The following DDX10 variants were observed in gnomAD, a reference collection of about 807,000 sequenced individuals.
DDX10 encodes probable ATP-dependent RNA helicase DDX10.
Under a neutral mutation model 104.3 loss-of-function variants are expected in DDX10, and 74 were observed. The observed-to-expected ratio is 0.71, with a 90% CI of 0.59 to 0.86. DDX10 has a LOEUF of 0.86. Among genes scored for constraint, DDX10 ranks in the 40% least tolerant of loss-of-function variants. The pLI is 0.00. For missense variants in DDX10, 952 were observed against 1,040.0 expected, an observed-to-expected ratio of 0.92 and a Z score of 1.16; for synonymous variants, 351 against 353.4, an observed-to-expected ratio of 0.99 and a Z score of 0.08.
intron 15 of DDX10, among the ~76,000 whole-genome samples, chr11:108,846,316 T>A (rs1022138853): frequency 2.6e-5 from 4 of 152,192 alleles, no homozygotes; most frequent in Non-Finnish European, 5.9e-5. Flanking sequence ...TATAATACAT[T>A]ATTATTAACA....
intron 16 of DDX10, among the ~76,000 whole-genome samples, chr11:108,911,177 C>A (rs181226267): frequency 6.6e-5 from 10 of 152,300 alleles, no homozygotes; most frequent in South Asian, 2.1e-4. Flanking sequence ...ATTTTGTTCA[C>A]TGCAGCATGT....
intron 6 of DDX10, among the ~76,000 whole-genome samples, chr11:108,685,068 T>A (rs1400511487): frequency 6.9e-6 from 1 of 144,674 alleles, no homozygotes; most frequent in Non-Finnish European, 1.5e-5. Context: ...TTCTTGTAAA[T>A]TTGTTTGAGT....
chr11:108,817,526 A>G (rs1862271685), intron 13 of DDX10, among the ~76,000 whole-genome samples: 1 of 151,894 alleles, frequency 6.6e-6, no homozygotes, highest in Non-Finnish European at 1.5e-5. Context: ...CCCCTTACTC[A>G]CCTTTGTCTC....
chr11:108,892,851 T>C (rs1863394225), intron 16 of DDX10, among the ~76,000 whole-genome samples: 1 of 152,160 alleles, frequency 6.6e-6, no homozygotes, highest in Non-Finnish European at 1.5e-5. Flanking sequence ...CCAAGTTTCC[T>C]TAGCATGTGT....
intron 1 of DDX10, among the ~76,000 whole-genome samples, chr11:108,672,846 A>C (rs58359815): frequency 1.3e-5 from 2 of 152,220 alleles, no homozygotes; most frequent in Non-Finnish European, 2.9e-5. Flanking sequence ...TGAATAATGT[A>C]AAGTTAGCAA....
chr11:108,680,260 G>C (rs188104845), intron 6 of DDX10, among the ~76,000 whole-genome samples: 1 of 152,274 alleles, frequency 6.6e-6, no homozygotes, highest in Non-Finnish European at 1.5e-5. Flanking sequence ...TGTCACCCAG[G>C]CTGGAGTGCA....
intron 13 of DDX10, among the ~76,000 whole-genome samples, chr11:108,820,587 G>C (rs181941862): frequency 1.1e-3 from 166 of 152,294 alleles, no homozygotes; most frequent in Middle Eastern, 6.8e-3. Context: ...TTATAGTTGT[G>C]GATGCCTGCA....
chr11:108,695,374 G>C (rs916542408), intron 9 of DDX10, among the ~76,000 whole-genome samples: 2 of 152,192 alleles, frequency 1.3e-5, no homozygotes, highest in South Asian at 4.1e-4. Context: ...ACCAATGGTT[G>C]CTTCCAATTT....
intron 13 of DDX10, among the ~76,000 whole-genome samples, chr11:108,765,684 T>C (rs939023023): frequency 6.6e-6 from 1 of 152,252 alleles, no homozygotes. Flanking sequence ...CACTTGCTCA[T>C]GCACTTTTTA....
intron 16 of DDX10, among the ~76,000 whole-genome samples, chr11:108,882,329 A>G (rs914965320): frequency 1.2e-4 from 18 of 152,196 alleles, no homozygotes; most frequent in Admixed American, 1.0e-3. Context: ...TTGAAAAGAT[A>G]ACTCTCGACG....
At chr11:108,719,107 T>TC in intron 11 of DDX10, among the ~76,000 whole-genome samples, 1 of 150,292 alleles carries the variant, frequency 6.7e-6, no homozygotes, top group South Asian at 2.1e-4. Context: ...GAAGATAGTT[T>TC]TTTTTTTTTT....
chr11:108,929,983 T>C (rs967889735), intron 17 of DDX10, among the ~76,000 whole-genome samples: 1 of 152,224 alleles, frequency 6.6e-6, no homozygotes, highest in East Asian at 1.9e-4. Context: ...TTTGTTACAA[T>C]TGATGAACTA....
intron 16 of DDX10, among the ~76,000 whole-genome samples, chr11:108,870,012 A>G (rs1400696456): frequency 6.6e-6 from 1 of 152,172 alleles, no homozygotes; most frequent in African/African-American, 2.4e-5. Flanking sequence ...GTTAATAGTA[A>G]TATACCAGTG....
At chr11:108,935,436 T>G (rs1369734882) in intron 17 of DDX10, among the ~76,000 whole-genome samples, 1 of 152,158 alleles carries the variant, frequency 6.6e-6, no homozygotes, top group East Asian at 1.9e-4. Flanking sequence ...ACCACTGAAA[T>G]TTTTATGAAA....
chr11:108,869,058 G>T (rs1157089076), intron 16 of DDX10, among the ~76,000 whole-genome samples: 1 of 149,908 alleles, frequency 6.7e-6, no homozygotes, highest in Non-Finnish European at 1.5e-5. Flanking sequence ...AGGAAATAAT[G>T]ATAAGGATGG....
chr11:108,723,422 A>T lies in DDX10; in HGVS notation c.1925A>T (p.Asn642Ile). 6.2e-7 allele frequency: 1 copy of T among 1,613,618 alleles called. No homozygotes were observed. Among genetic ancestry groups the T allele is most frequent in the Non-Finnish European group, 8.5e-7 (1 of 1,179,766 alleles). ...DADFLKVKRHNVFGLDLKDEK... is the reference protein window; with the variant it reads ...DADFLKVKRHIVFGLDLKDEK... The stretch of plus-strand genomic sequence containing the variant: ...GATTTCTTGAAGGTGAAGCGGCATA[A>T]TGTGTTTGGATTGGACCTTAAAGAC... The change falls in exon 13 of 18, where the codon AAT (asparagine) becomes ATT (isoleucine). Residue 642 changes from asparagine (N) to isoleucine (I), a missense_variant. Asn to Ile is a moderately radical substitution (Grantham distance 149). Transcript: ENST00000322536.
At chr11:108,795,584 A>G (rs1355378507) in intron 13 of DDX10, among the ~76,000 whole-genome samples, 1 of 146,916 alleles carries the variant, frequency 6.8e-6, no homozygotes, top group Admixed American at 7.2e-5. Context: ...GAGTGAGAAC[A>G]TGAAGTGTTT....
rs758579287 is a variant in DDX10 at position 108,885,671 on chromosome 11, G to T, written c.2305-32202G>T. Among the ~76,000 whole-genome samples the T allele has an allele frequency of 3.9e-5, 6 of 152,096 alleles. No individual in the cohort carries two copies. The South Asian group carries it at 1.2e-3, about 32-fold the overall frequency. ...ATTACAGGTGTGAGCCACTGCGTCC[G>T]GCCCATTTTCACAATTTTAATGGCT... On this transcript the variant is annotated intron_variant, in intron 16 of 17. Coordinates refer to ENST00000322536, the MANE Select transcript of DDX10 (RefSeq NM_004398.4).
intron 13 of DDX10, among the ~76,000 whole-genome samples, chr11:108,762,948 T>C (rs2094352420): frequency 6.6e-6 from 1 of 152,186 alleles, no homozygotes; most frequent in African/African-American, 2.4e-5. Flanking sequence ...TTTGATTCCC[T>C]TTAGTCAGAG....
Sources: allele counts gnomAD v4.1 joint callset (sites outside exome capture counted in the v4.1 genomes callset), GRCh38; gene constraint gnomAD v4.1.1; transcripts MANE v1.5; gene names NCBI Gene and HGNC (gene_info 2026-07-23, HGNC 2026-07-21).